The following GRM7 variants were observed in gnomAD, a reference collection of about 807,000 sequenced individuals.
The protein encoded by GRM7 is metabotropic glutamate receptor 7.
Under a neutral mutation model 84.5 loss-of-function variants are expected in GRM7, and 35 were observed. The observed-to-expected ratio is 0.41, with a 90% CI of 0.32 to 0.55. The LOEUF (loss-of-function observed/expected upper bound fraction) is 0.55. Ranked by LOEUF, GRM7 falls within the 20% of genes least tolerant of loss-of-function variation. The pLI is 0.19. For missense variants in GRM7, 1,003 were observed against 1,194.6 expected (o/e 0.84, Z 2.36); for synonymous variants, 487 against 455.1 (o/e 1.07, Z -0.89).
chr3:7,166,482 G>A (rs562079900), intron 2 of GRM7, among the ~76,000 whole-genome samples: 4 of 152,208 alleles, frequency 2.6e-5, no homozygotes, highest in Non-Finnish European at 5.9e-5. Context: ...TCAAACTCAC[G>A]TGAACCCTCC....
chr3:7,643,270 G>C (rs1698444262), intron 8 of GRM7, among the ~76,000 whole-genome samples: 1 of 125,062 alleles, frequency 8.0e-6, no homozygotes, highest in Non-Finnish European at 1.7e-5. Context: ...TACGCTTTCT[G>C]AGAACTGGTT....
intron 4 of GRM7, among the ~76,000 whole-genome samples, chr3:7,327,127 T>A (rs1701020550): frequency 6.6e-6 from 1 of 152,230 alleles, no homozygotes; most frequent in Admixed American, 6.5e-5. Flanking sequence ...TTGCCCAGTA[T>A]CTCTGGAGCT....
At chr3:7,522,184 T>A (rs1700621342) in intron 7 of GRM7, among the ~76,000 whole-genome samples, 1 of 152,168 alleles carries the variant, frequency 6.6e-6, no homozygotes, top group African/African-American at 2.4e-5. Flanking sequence ...CTGATCAAAA[T>A]CATTGTAACA....
At chr3:7,057,400 T>G (rs186314328) in intron 1 of GRM7, among the ~76,000 whole-genome samples, 133 of 152,054 alleles carry the variant, frequency 8.7e-4, no homozygotes, top group African/African-American at 3.0e-3. Flanking sequence ...TATCTCTAGG[T>G]TGTAAAAATA....
At chr3:7,539,151 C>T (rs1359910822) in intron 7 of GRM7, among the ~76,000 whole-genome samples, 2 of 152,074 alleles carry the variant, frequency 1.3e-5, no homozygotes, top group Non-Finnish European at 1.5e-5. Context: ...GGTGATTTAT[C>T]GTACCCAGAT....
intron 1 of GRM7, among the ~76,000 whole-genome samples, chr3:6,897,527 CAT>C (rs758535222): frequency 2.8e-4 from 43 of 152,248 alleles, no homozygotes; most frequent in Non-Finnish European, 5.7e-4. Context: ...ACCTTCTCAC[CAT>C]TTTTGTGTCT....
intron 1 of GRM7, among the ~76,000 whole-genome samples, chr3:6,871,960 C>T (rs28402693): frequency 0.12 from 18,174 of 151,974 alleles, 1,076 homozygotes; most frequent in Admixed American, 0.14. Flanking sequence ...GGCATCCTAG[C>T]TCCCTCTCCT....
Position 7,360,135 on chromosome 3 carries a change from C to CTGTGTG in GRM7, c.1033+53484_1033+53485insGTGTGT, listed in dbSNP as rs1191039401. Among the ~76,000 whole-genome samples, 11 of 103,014 alleles carry CTGTGTG rather than the reference C, an allele frequency of 1.1e-4. 3 individuals carry two copies. The highest frequency in any genetic ancestry group is 4.9e-4 in the African/African-American group (11 of 22,444). 67.6% of individuals were successfully genotyped at this position (103,014 alleles called of 152,430 possible). A position where few individuals can be genotyped will look rare whatever the true frequency, so the allele number is the denominator to read the frequency against. On this transcript the variant is annotated intron_variant, in intron 4 of 9. Coordinates refer to ENST00000357716, the MANE Select transcript of GRM7 (RefSeq NM_000844.4). ...CTCTTTCTCCCCCCCTTTTTTTTCC[C>CTGTGTG]TCTGTGTGTGTGTGTGTGTGTGTGT...
At chr3:7,037,270 G>A (rs1225911630) in intron 1 of GRM7, among the ~76,000 whole-genome samples, 1 of 152,136 alleles carries the variant, frequency 6.6e-6, no homozygotes, top group Non-Finnish European at 1.5e-5. Context: ...TTAGGCCAGT[G>A]CAAAAGTAAT....
chr3:7,055,665 C>T (rs772869353), intron 1 of GRM7, among the ~76,000 whole-genome samples: 5 of 151,644 alleles, frequency 3.3e-5, no homozygotes, highest in Admixed American at 6.6e-5. Context: ...GGATTACAGG[C>T]GTGCACCACC....
intron 3 of GRM7, among the ~76,000 whole-genome samples, chr3:7,299,397 C>T (rs1484142837): frequency 6.6e-6 from 1 of 152,148 alleles, no homozygotes; most frequent in Non-Finnish European, 1.5e-5. Context: ...ATGTCTGTTG[C>T]TTTCTTTTCT....
At chr3:7,341,777 G>A (rs546396282) in intron 4 of GRM7, among the ~76,000 whole-genome samples, 4 of 152,080 alleles carry the variant, frequency 2.6e-5, no homozygotes, top group South Asian at 2.1e-4. Context: ...ATTTGGATAG[G>A]ACCCCACATT....
chr3:7,066,007 C>T (rs1050448189), intron 1 of GRM7, among the ~76,000 whole-genome samples: 2 of 151,746 alleles, frequency 1.3e-5, no homozygotes, highest in African/African-American at 4.8e-5. Context: ...CCTATCAAAA[C>T]CTCTGGGATA....
At chr3:7,660,462 A>G (rs528667670) in intron 8 of GRM7, among the ~76,000 whole-genome samples, 1 of 152,378 alleles carries the variant, frequency 6.6e-6, no homozygotes, top group Non-Finnish European at 1.5e-5. Context: ...ATAGATGTAT[A>G]CATATGAAAA....
Position 7,378,804 on chromosome 3 carries a change from T to C in GRM7, c.1034-36219T>C, listed in dbSNP as rs115814402. On this transcript the variant is annotated intron_variant, in intron 4 of 9. Transcript: ENST00000357716. The stretch of plus-strand genomic sequence containing the variant: ...CAACACTTATCAGGATTTTGCCACA[T>C]TTGATTCATCTATCTTTTAAAATTT... Among the ~76,000 whole-genome samples the C allele has an allele frequency of 7.0e-3, 1,072 of 152,274 alleles. 14 individuals are homozygous for C. The highest frequency in any genetic ancestry group is 0.025 in the African/African-American group (1,021 of 41,570).
chr3:7,689,986 C>T (rs1430225440), intron 9 of GRM7, among the ~76,000 whole-genome samples: 2 of 152,154 alleles, frequency 1.3e-5, no homozygotes, highest in Non-Finnish European at 2.9e-5. Context: ...CACCAAGCTA[C>T]AGGTGGAGAC....
intron 4 of GRM7, among the ~76,000 whole-genome samples, chr3:7,403,634 T>G (rs1471634389): frequency 6.8e-6 from 1 of 146,234 alleles, no homozygotes; most frequent in Non-Finnish European, 1.5e-5. Flanking sequence ...TATATATATA[T>G]ATATATATAT....
At chr3:7,434,792 A>G (rs936013610) in intron 5 of GRM7, among the ~76,000 whole-genome samples, 3 of 152,094 alleles carry the variant, frequency 2.0e-5, no homozygotes, top group African/African-American at 7.2e-5. Context: ...TATCAGATTA[A>G]TGCTGGACAC....
intron 1 of GRM7, among the ~76,000 whole-genome samples, chr3:7,019,505 C>T (rs186259012): frequency 6.6e-5 from 10 of 152,232 alleles, no homozygotes; most frequent in African/African-American, 1.4e-4. Context: ...TCATGTCTCC[C>T]GACAAATATA....
Sources: gnomAD v4.1 joint callset for allele counts (sites outside exome capture counted in the v4.1 genomes callset) on GRCh38, gnomAD v4.1.1 for gene constraint, MANE v1.5 for transcripts, NCBI Gene and HGNC (gene_info 2026-07-23, HGNC 2026-07-21) for gene names.